The following CELF2 variants were observed in gnomAD, a reference collection of about 807,000 sequenced individuals.
The protein encoded by CELF2 is CUGBP Elav-like family member 2.
In CELF2, 8 loss-of-function variants were observed where a neutral mutation model predicts 62.6. The ratio of observed to expected loss-of-function variants is 0.13; its 90% CI spans 0.07 to 0.23. The LOEUF (loss-of-function observed/expected upper bound fraction) is 0.23, where lower values mean the gene tolerates loss of function less well. CELF2 is among the 10% of genes least tolerant of loss of function. The pLI is 1.00. For missense variants in CELF2, 333 were observed against 671.0 expected (o/e 0.50, Z 5.56); for synonymous variants, 258 against 250.0 (o/e 1.03, Z -0.30).
intron 1 of CELF2, among the ~76,000 whole-genome samples, chr10:10,799,274 G>A (rs2054396628): frequency 6.6e-6 from 1 of 152,078 alleles, no homozygotes; most frequent in Non-Finnish European, 1.5e-5. Flanking sequence ...GAGGTCAGGA[G>A]TTCGAGACCA....
chr10:10,956,585 A>C (rs2048921878), intron 2 of CELF2, among the ~76,000 whole-genome samples: 1 of 152,136 alleles, frequency 6.6e-6, no homozygotes, highest in South Asian at 2.1e-4. Context: ...CCCACTAGAC[A>C]GGTCTTTGAG....
At chr10:10,718,071 A>G in the CELF2 span, among the ~76,000 whole-genome samples, 1 of 152,200 alleles carries the variant, frequency 6.6e-6, no homozygotes, top group Non-Finnish European at 1.5e-5. Flanking sequence ...GAAGATAATT[A>G]TTATCTCTGG....
chr10:11,322,027 A>C (rs547882678), intron 11 of CELF2, among the ~76,000 whole-genome samples: 1 of 152,216 alleles, frequency 6.6e-6, no homozygotes, highest in Non-Finnish European at 1.5e-5. Flanking sequence ...GCTGACTGTA[A>C]ATAATTCCCA....
intron 2 of CELF2, among the ~76,000 whole-genome samples, chr10:11,216,309 T>C (rs2063343837): frequency 6.6e-6 from 1 of 152,200 alleles, no homozygotes; most frequent in Non-Finnish European, 1.5e-5. Context: ...TATACTTTAT[T>C]TTCCCCCTGA....
the CELF2 span, among the ~76,000 whole-genome samples, chr10:10,491,893 AT>A: frequency 6.6e-6 from 1 of 152,148 alleles, no homozygotes. Flanking sequence ...TTTCATAAAC[AT>A]GATCTTTTCT....
At chr10:10,522,641 C>T in the CELF2 span, among the ~76,000 whole-genome samples, 20 of 152,292 alleles carry the variant, frequency 1.3e-4, no homozygotes, top group Non-Finnish European at 2.5e-4. Flanking sequence ...GCAATCTTGG[C>T]TCACAGCAAC....
intron 1 of CELF2, among the ~76,000 whole-genome samples, chr10:11,112,037 T>C (rs2055308176): frequency 6.6e-6 from 1 of 152,244 alleles, no homozygotes; most frequent in Admixed American, 6.5e-5. Flanking sequence ...TACTGGCTTA[T>C]TTCTGGTCTC....
At chr10:10,833,981 T>C (rs2058076801) in intron 1 of CELF2, among the ~76,000 whole-genome samples, 1 of 152,148 alleles carries the variant, frequency 6.6e-6, no homozygotes. Context: ...CAAAAGAATA[T>C]AAATCATTCT....
intron 8 of CELF2, among the ~76,000 whole-genome samples, chr10:11,278,030 G>A (rs1463414680): frequency 6.6e-6 from 1 of 152,138 alleles, no homozygotes; most frequent in South Asian, 2.1e-4. Context: ...AAACATACTG[G>A]TCGATGAGGT....
chr10:10,805,189 A>G (rs1039494919), intron 1 of CELF2, among the ~76,000 whole-genome samples: 1 of 152,192 alleles, frequency 6.6e-6, no homozygotes, highest in African/African-American at 2.4e-5. Flanking sequence ...ATACTTGTAA[A>G]GTTCCGGTCA....
At chr10:11,113,169 C>G (rs1391448817) in intron 1 of CELF2, among the ~76,000 whole-genome samples, 2 of 152,210 alleles carry the variant, frequency 1.3e-5, no homozygotes, top group Non-Finnish European at 2.9e-5. Context: ...ATATAGATGG[C>G]TTTCACTTGC....
chr10:11,063,072 G>A (rs186393784), intron 1 of CELF2, among the ~76,000 whole-genome samples: 81 of 152,292 alleles, frequency 5.3e-4, no homozygotes, highest in South Asian at 3.3e-3. Context: ...ATTAAGATAC[G>A]TACTTTTTAA....
Position 11,005,365 on chromosome 10 carries a change from G to T in CELF2, c.-23G>T. 6.2e-7 allele frequency: 1 copy of T among 1,613,220 alleles called. No homozygotes were observed. The highest frequency in any genetic ancestry group is 8.5e-7 in the Non-Finnish European group (1 of 1,179,494). On this transcript the variant is annotated 5_prime_UTR_variant, in exon 1 of 13. Coordinates refer to the CELF2 transcript ENST00000416382. The surrounding 1 kb of genome is among the most constrained non-coding windows in gnomAD (Gnocchi z 4.3). ...TGAGCATACTTCTGAACTGGCTTTTGTTGAGACTATCAGTATAGAAGCATG... is the reference window on the plus strand; with the variant it reads ...TGAGCATACTTCTGAACTGGCTTTTTTTGAGACTATCAGTATAGAAGCATG...
At chr10:11,184,769 C>T (rs1588546693) in intron 2 of CELF2, among the ~76,000 whole-genome samples, 2 of 152,318 alleles carry the variant, frequency 1.3e-5, no homozygotes, top group South Asian at 4.1e-4. Flanking sequence ...TTGCTAAACT[C>T]ATTCTAGTAG....
chr10:10,537,682 C>T, the CELF2 span, among the ~76,000 whole-genome samples: 396 of 152,216 alleles, frequency 2.6e-3, 2 homozygotes, highest in African/African-American at 9.0e-3. Flanking sequence ...CACACCCTCA[C>T]GCTCTGTACC....
rs540471014 is a variant in CELF2 at position 11,331,635 on chromosome 10, A to G, written c.*2582A>G. 2 of 152,502 alleles carry G rather than the reference A, an allele frequency of 1.3e-5. No individual in the cohort carries two copies. The highest frequency in any genetic ancestry group is 2.9e-5 in the Non-Finnish European group (2 of 68,020). 9.4% of individuals were successfully genotyped at this position (152,502 alleles called of 1,614,324 possible). ...AAAAAACAAAACAAAAAAAGGTTAC[A>G]AAGTTTGTTAACTTGCTATCCTGTG... is the stretch of plus-strand genomic sequence containing the variant. On this transcript the variant is annotated 3_prime_UTR_variant, in exon 13 of 13. Transcript: ENST00000633077.
rs575459907 is a variant in CELF2 at position 10,965,502 on chromosome 10, G to A, written c.89+45503G>A. 1.6e-4 allele frequency among the ~76,000 whole-genome samples: 24 copies of A among 152,258 alleles called. No homozygotes were observed. The South Asian group carries it at 2.3e-3, about 14-fold the overall frequency. On this transcript the variant is annotated intron_variant, in intron 2 of 13. Transcript: ENST00000636488. ...AGAGGTCTTGTTGAAATTCAATTCT[G>A]GGCCTGAACCCCAGAGTTTCTGATG...
At chr10:10,787,485 A>G in the CELF2 span, among the ~76,000 whole-genome samples, 1 of 152,224 alleles carries the variant, frequency 6.6e-6, no homozygotes, top group South Asian at 2.1e-4. Context: ...CGGTTTCCCA[A>G]TTTTCATAAA....
At chr10:11,090,188 G>GA (rs111809755) in intron 1 of CELF2, among the ~76,000 whole-genome samples, 265 of 136,282 alleles carry the variant, frequency 1.9e-3, no homozygotes, top group Middle Eastern at 3.9e-3. Context: ...GAAATTTGGG[G>GA]AAAAAAAAAA....
Sources: allele counts gnomAD v4.1 joint callset (sites outside exome capture counted in the v4.1 genomes callset), GRCh38; gene constraint gnomAD v4.1.1; non-coding constraint Gnocchi (gnomAD v3.1); transcripts MANE v1.5; gene names NCBI Gene and HGNC (gene_info 2026-07-23, HGNC 2026-07-21).